MARCHF2: variants seen among roughly 807,000 people sequenced by gnomAD.
MARCHF2 encodes membrane associated ring-CH-type finger 2.
In MARCHF2, 22 loss-of-function variants were observed where a neutral mutation model predicts 24.0. The observed-to-expected ratio is 0.92, with a 90% confidence interval of 0.66 to 1.31. MARCHF2 has a LOEUF of 1.31. MARCHF2 is among the 50% of genes most tolerant of loss of function. The pLI, the probability that MARCHF2 is intolerant of heterozygous loss-of-function variation, is 0.00. For missense variants in MARCHF2, 301 were observed against 335.3 expected (o/e 0.90, Z 0.80); for synonymous variants, 154 against 153.0 (o/e 1.01, Z -0.05).
intron 3 of MARCHF2, among the ~76,000 whole-genome samples, chr19:8,428,649 CAAAAAAAAAAAAAAAAA>C (rs59542078): frequency 3.3e-5 from 1 of 30,620 alleles, no homozygotes; most frequent in South Asian, 2.6e-3. Context: ...GACTCTATCT[CAAAAAAAAAAAAAAAAA>C]AAAAAAAAAA....
intron 2 of MARCHF2, among the ~76,000 whole-genome samples, chr19:8,426,145 G>A (rs949793813): frequency 6.6e-6 from 1 of 151,146 alleles, no homozygotes; most frequent in African/African-American, 2.4e-5. Context: ...GTGGGAGAAT[G>A]GCGTGAACCC....
At chr19:8,418,252 C>A (rs1243585317) in intron 1 of MARCHF2, among the ~76,000 whole-genome samples, 1 of 152,268 alleles carries the variant, frequency 6.6e-6, no homozygotes, top group East Asian at 1.9e-4. Context: ...CAGGCCCGGC[C>A]ACTGCCCTGT....
chr19:8,438,286 T>C, intron 4 of MARCHF2, 102 bp from the exon 5 acceptor site: 1 of 1,202,874 alleles, frequency 8.3e-7, no homozygotes, highest in Non-Finnish European at 1.2e-6. Context: ...TCTGGAAGCA[T>C]GAGCCCCAGC....
intron 3 of MARCHF2, among the ~76,000 whole-genome samples, chr19:8,429,803 CTTTTTTT>C (rs371323385): frequency 2.5e-5 from 2 of 79,666 alleles, no homozygotes; most frequent in Non-Finnish European, 5.1e-5. Context: ...CACACCAGGG[CTTTTTTT>C]TTTTTTTTTT....
At chr19:8,426,953 T>A (rs895171864) in intron 3 of MARCHF2, 149 bp downstream of exon 3, 3 of 661,118 alleles carry the variant, frequency 4.5e-6, no homozygotes, top group Non-Finnish European at 7.7e-6. Flanking sequence ...GCTGATGGTG[T>A]GTCAGAAACC....
chr19:8,421,364 T>A (rs544135853), intron 1 of MARCHF2, among the ~76,000 whole-genome samples: 4 of 149,702 alleles, frequency 2.7e-5, no homozygotes, highest in Admixed American at 1.3e-4. Flanking sequence ...CTTTTTTTTT[T>A]ACTTTTTTCT....
At chr19:8,414,631 G>T (rs1967031947) in intron 1 of MARCHF2, among the ~76,000 whole-genome samples, 1 of 152,136 alleles carries the variant, frequency 6.6e-6, no homozygotes. Context: ...TAAAACAGCT[G>T]CCTGAGACCA....
intron 1 of MARCHF2, among the ~76,000 whole-genome samples, chr19:8,415,350 A>T (rs2145527577): frequency 6.6e-6 from 1 of 150,548 alleles, no homozygotes; most frequent in East Asian, 2.0e-4. Context: ...TGATTACTAC[A>T]CTGCCCTCCA....
At chr19:8,415,842 C>T (rs1967074366) in intron 1 of MARCHF2, among the ~76,000 whole-genome samples, 1 of 152,026 alleles carries the variant, frequency 6.6e-6, no homozygotes, top group East Asian at 1.9e-4. Flanking sequence ...ATTTCAGCAG[C>T]CTCAGAGCTG....
chr19:8,423,972 A>G (rs1382106075), intron 2 of MARCHF2, among the ~76,000 whole-genome samples: 2 of 142,584 alleles, frequency 1.4e-5, no homozygotes, highest in African/African-American at 5.2e-5. Context: ...ACTGCACTCC[A>G]GCCTGGGTGA....
At position 8,426,819 on chromosome 19, in the gene MARCHF2, CTG is replaced by C. The variant is rs770494990; in HGVS notation, c.372+16_372+17del. ...CCCTCACAGAGGTACCCTTAAGAGT[CTG>C]AGACTGCGGTGGGCAGTGGGGAGAG... On this transcript the variant is annotated intron_variant, in intron 3 of 4. Coordinates refer to ENST00000215555, the MANE Select transcript of MARCHF2 (RefSeq NM_001005415.2). 1 of 1,609,766 alleles carries C rather than the reference CTG, an allele frequency of 6.2e-7. No homozygotes were observed. Among genetic ancestry groups the C allele is most frequent in the Non-Finnish European group, 8.5e-7 (1 of 1,178,430 alleles).
In MARCHF2 at chr19:8,430,828, C is replaced by T; in HGVS notation, c.543C>T (p.Leu181=). ...TGGAGGCCGTGGGTCTCATTGCCCTCACCATCGCCCTCTTCACCATCTATG... is the reference window on the plus strand; with the variant it reads ...TGGAGGCCGTGGGTCTCATTGCCCTTACCATCGCCCTCTTCACCATCTATG... ...SQLEAVGLIA[L]TIALFTIYVL... Residue 181 remains leucine (L), a synonymous_variant, in exon 4 of 5, where the codon CTC becomes CTT. Transcript: ENST00000215555. The surrounding 1 kb of genome is among the most constrained non-coding windows in gnomAD (Gnocchi z 4.4). 6.2e-7 allele frequency: 1 copy of T among 1,610,424 alleles called. No individual in the cohort carries two copies. Among genetic ancestry groups the T allele is most frequent in the Non-Finnish European group, 8.5e-7 (1 of 1,179,884 alleles).
chr19:8,434,651 A>G (rs1199434608), intron 4 of MARCHF2, among the ~76,000 whole-genome samples: 2 of 152,190 alleles, frequency 1.3e-5, no homozygotes, highest in South Asian at 2.1e-4. Context: ...GGGACTGTCC[A>G]TGCAAATGTT....
At position 8,430,884 on chromosome 19, in the gene MARCHF2, G is replaced by T; in HGVS notation, c.582+17G>T. 1.3e-6 allele frequency: 2 copies of T among 1,562,726 alleles called. No homozygotes were observed. The highest frequency in any genetic ancestry group is 8.7e-7 in the Non-Finnish European group (1 of 1,154,974). On this transcript the variant is annotated intron_variant, in intron 4 of 4. Coordinates refer to ENST00000215555, the MANE Select transcript of MARCHF2 (RefSeq NM_001005415.2). The surrounding 1 kb of genome is among the most constrained non-coding windows in gnomAD (Gnocchi z 4.4). ...TGGACGCTGGTGAGTGGCTGTGGTT[G>T]TGCAGCACGCGTCTCGAGCTCTGCC...
In MARCHF2 at chr19:8,435,868, C is replaced by CGGGGA. The variant is rs1967706462; in HGVS notation, c.583-2514_583-2510dup. Reference sequence around the variant, plus strand: ...TGTGTGTGTGTGTGTGTGTGTGTGGCGGGGAGGGGATAGGATTGTTCTTTG... The same window carrying CGGGGA: ...TGTGTGTGTGTGTGTGTGTGTGTGGCGGGGAGGGGAGGGGATAGGATTGTTCTTTG... On this transcript the variant is annotated intron_variant, in intron 4 of 4. Coordinates refer to ENST00000215555, the MANE Select transcript of MARCHF2 (RefSeq NM_001005415.2). Among the ~76,000 whole-genome samples the CGGGGA allele has an allele frequency of 3.4e-5, 3 of 87,778 alleles. No homozygotes were observed. In the Admixed American group the frequency reaches 3.9e-4, roughly 11 times the overall value. The allele number at this position is 87,778 out of a possible 152,430, so 57.6% of individuals were successfully genotyped here. A position where few individuals can be genotyped will look rare whatever the true frequency, so the allele number is the denominator to read the frequency against.
intron 3 of MARCHF2, among the ~76,000 whole-genome samples, chr19:8,428,666 A>C (rs1258847570): frequency 2.0e-5 from 3 of 147,058 alleles, no homozygotes; most frequent in African/African-American, 5.0e-5. Flanking sequence ...AAAAAAAAAA[A>C]AAAAAAAAAA....
chr19:8,420,387 C>T lies in MARCHF2; in HGVS notation c.-52-1402C>T, dbSNP rs1245410428. On this transcript the variant is annotated intron_variant, in intron 1 of 4. Transcript: ENST00000215555. ...ATAAATATAAATAAAAATACAAAAA[C>T]TAGCCAGGCATGGTGGTGCATGCCT... Among the ~76,000 whole-genome samples, 5 of 145,618 alleles carry T rather than the reference C, an allele frequency of 3.4e-5. No homozygotes were observed. In the Admixed American group the frequency reaches 3.4e-4, roughly 10 times the overall value.
intron 4 of MARCHF2, among the ~76,000 whole-genome samples, chr19:8,434,747 C>T (rs1032412930): frequency 1.1e-4 from 16 of 152,084 alleles, no homozygotes; most frequent in Non-Finnish European, 1.9e-4. Context: ...CACTGTGTCG[C>T]CCAGGCCAGA....
At position 8,421,901 on chromosome 19, in the gene MARCHF2, G is replaced by A. The variant is rs767773136; in HGVS notation, c.61G>A (p.Ala21Thr). The change falls in exon 2 of 5, where the codon GCC (alanine) becomes ACC (threonine). Residue 21 changes from alanine (A) to threonine (T), a missense_variant. Physicochemically the swap from Ala to Thr is moderately conservative, Grantham distance 58. Coordinates refer to ENST00000215555, the MANE Select transcript of MARCHF2 (RefSeq NM_001005415.2). The stretch of plus-strand genomic sequence containing the variant: ...CCTGTGTGACTGCTCCGGCAGCCCT[G>A]CCTTCTCCAAGGTCGTGGAGGCTAC... ...GSLCDCSGSP[A>T]FSKVVEATGL... 23 of 1,613,668 alleles carry A rather than the reference G, an allele frequency of 1.4e-5. No homozygotes were observed. The East Asian group carries it at 4.5e-4, about 31-fold the overall frequency.
Sources: gnomAD v4.1 joint callset for allele counts (sites outside exome capture counted in the v4.1 genomes callset) on GRCh38, gnomAD v4.1.1 for gene constraint, Gnocchi (gnomAD v3.1) non-coding constraint, MANE v1.5 for transcripts, NCBI Gene and HGNC (gene_info 2026-07-23, HGNC 2026-07-21) for gene names.